PMM2: variants seen among roughly 807,000 people sequenced by gnomAD.
PMM2 encodes mannose-6-phosphate isomerase.
A neutral mutation model predicts 33.2 loss-of-function variants in PMM2; 35 were observed. The observed-to-expected ratio is 1.06, with a 90% CI of 0.81 to 1.40. PMM2 has a LOEUF of 1.40. Among genes scored for constraint, PMM2 ranks in the 40% most tolerant of loss-of-function variants. The pLI is 0.00. For synonymous variants in PMM2, 153 were observed against 114.7 expected (o/e 1.33, Z -2.13); for missense variants, 386 against 306.0 (o/e 1.26, Z -1.95).
intron 6 of PMM2, 108 bp from the exon 7 acceptor site, chr16:8,812,883 A>C (rs2060685203): frequency 1.3e-6 from 1 of 760,318 alleles, no homozygotes; most frequent in African/African-American, 1.7e-5. Context: ...CTGAAAATCA[A>C]CCTTGGCAAC....
intron 2 of PMM2, 64 bp from the exon 3 acceptor site, chr16:8,804,699 TAATC>T (rs1276642152): frequency 5.8e-6 from 6 of 1,033,802 alleles, no homozygotes; most frequent in African/African-American, 4.7e-5. Context: ...TGGTCATTGT[TAATC>T]AAGGAGTAAA....
At chr16:8,845,203 G>A (rs2060917354) in intron 7 of PMM2, among the ~76,000 whole-genome samples, 1 of 152,150 alleles carries the variant, frequency 6.6e-6, no homozygotes, top group South Asian at 2.1e-4. Context: ...GCAATGTTTT[G>A]CGGGCAGGGG....
chr16:8,811,148 A>G lies in PMM2; in HGVS notation c.417A>G (p.Glu139=). ...VSPIGRSCSQ[E]ERIEFYELDK... is the part of the protein sequence containing the mutation. ...CTATTGGAAGAAGCTGCAGCCAAGA[A>G]GAACGCATTGAGTTCTACGAACTCG... is the stretch of plus-strand genomic sequence containing the variant. Residue 139 remains glutamate (E), a synonymous_variant, in exon 5 of 8, where the codon GAA becomes GAG. Transcript: ENST00000268261. 1 of 1,575,584 alleles carries G rather than the reference A, an allele frequency of 6.3e-7. No homozygotes were observed. The highest frequency in any genetic ancestry group is 8.6e-7 in the Non-Finnish European group (1 of 1,156,506).
chr16:8,847,651 A>T, intron 7 of PMM2, 73 bp from the exon 8 acceptor site: 1 of 1,099,096 alleles, frequency 9.1e-7, no homozygotes, highest in Non-Finnish European at 1.4e-6. Flanking sequence ...GTACTTTTGG[A>T]CTCCAGGGTC....
rs968604297 is a variant in PMM2 at position 8,832,662 on chromosome 16, G to A, written c.640-15062G>A. On this transcript the variant is annotated intron_variant, in intron 7 of 7. Coordinates refer to ENST00000268261, the MANE Select transcript of PMM2 (RefSeq NM_000303.3). ...CCTCCTAACTGCTCCCTTCAATTGC[G>A]TCCTCACCCCGCACCCGTTCTCCAG... is the stretch of plus-strand genomic sequence containing the variant. 8.5e-5 allele frequency: 84 copies of A among 985,232 alleles called. No individual in the cohort carries two copies. The African/African-American group carries it at 1.3e-3, about 16-fold the overall frequency. The allele number at this position is 985,232 out of a possible 1,614,324, so 61.0% of individuals were successfully genotyped here.
At chr16:8,836,318 G>A (rs2060846988) in intron 7 of PMM2, among the ~76,000 whole-genome samples, 1 of 152,184 alleles carries the variant, frequency 6.6e-6, no homozygotes, top group African/African-American at 2.4e-5. Flanking sequence ...AGGAGTCAGA[G>A]AGCCTTGGGC....
At chr16:8,818,424 A>G (rs754743601) in intron 7 of PMM2, among the ~76,000 whole-genome samples, 2 of 152,192 alleles carry the variant, frequency 1.3e-5, no homozygotes, top group Non-Finnish European at 2.9e-5. Context: ...CAAACAACCT[A>G]TCAGTTCTTG....
At chr16:8,806,866 C>G (rs1460267231) in intron 4 of PMM2, 1 of 181,150 alleles carries the variant, frequency 5.5e-6, no homozygotes, top group Admixed American at 5.5e-5. Flanking sequence ...AACCCTAGAT[C>G]GGGAAGTCTG....
chr16:8,807,278 G>T (rs1413314776), intron 4 of PMM2, among the ~76,000 whole-genome samples: 2 of 151,702 alleles, frequency 1.3e-5, no homozygotes, highest in Admixed American at 1.3e-4. Flanking sequence ...AATTGCTGGT[G>T]TCAAAGGCGT....
chr16:8,803,215 A>G (rs1239473674), intron 2 of PMM2, among the ~76,000 whole-genome samples: 1 of 152,252 alleles, frequency 6.6e-6, no homozygotes, highest in Non-Finnish European at 1.5e-5. Context: ...TAGGATCACC[A>G]TTACTAGAAG....
intron 1 of PMM2, among the ~76,000 whole-genome samples, chr16:8,800,480 C>T (rs985622168): frequency 1.3e-5 from 2 of 151,644 alleles, no homozygotes; most frequent in Non-Finnish European, 2.9e-5. Flanking sequence ...ATTTTTTCAT[C>T]TTAGTTTATA....
At chr16:8,808,284 T>A (rs534182184) in intron 4 of PMM2, 9 of 152,024 alleles carry the variant, frequency 5.9e-5, no homozygotes, top group Admixed American at 5.9e-4. Flanking sequence ...TTGTGTGTGT[T>A]AGAAATTTTC....
At chr16:8,812,475 T>C (rs914698593) in intron 6 of PMM2, among the ~76,000 whole-genome samples, 1 of 152,198 alleles carries the variant, frequency 6.6e-6, no homozygotes, top group South Asian at 2.1e-4. Flanking sequence ...GTGGGTGGGT[T>C]TTTTGTCTTC....
intron 7 of PMM2, among the ~76,000 whole-genome samples, chr16:8,817,109 T>A (rs11643869): frequency 1.3e-5 from 2 of 152,170 alleles, no homozygotes; most frequent in Admixed American, 1.3e-4. Context: ...ATGAGTGTGC[T>A]TTCCACTACG....
At chr16:8,847,663 C>T (rs1343824897) in intron 7 of PMM2, 61 bp from the exon 8 acceptor site, 2 of 1,262,618 alleles carry the variant, frequency 1.6e-6, no homozygotes, top group South Asian at 1.2e-5. Context: ...TCCAGGGTCA[C>T]ATCAGCAATG....
At chr16:8,837,171 G>A (rs914111861) in intron 7 of PMM2, among the ~76,000 whole-genome samples, 3 of 151,894 alleles carry the variant, frequency 2.0e-5, no homozygotes, top group Non-Finnish European at 2.9e-5. Flanking sequence ...GATTTGGGAC[G>A]AGTTGCACTG....
At chr16:8,807,305 C>T (rs760099345) in intron 4 of PMM2, among the ~76,000 whole-genome samples, 4 of 152,098 alleles carry the variant, frequency 2.6e-5, no homozygotes, top group Non-Finnish European at 5.9e-5. Context: ...CCTTGCCCAG[C>T]CTGATTTTAT....
intron 7 of PMM2, among the ~76,000 whole-genome samples, chr16:8,837,760 G>A (rs1050298439): frequency 6.6e-6 from 1 of 152,028 alleles, no homozygotes; most frequent in Non-Finnish European, 1.5e-5. Context: ...GCCGCTAAGG[G>A]TGAAGGACCA....
intron 2 of PMM2, among the ~76,000 whole-genome samples, chr16:8,804,111 T>C (rs1231175845): frequency 6.9e-6 from 1 of 145,000 alleles, no homozygotes; most frequent in Non-Finnish European, 1.5e-5. Context: ...CAATCTTGGC[T>C]CACTGAACCC....
Sources: gnomAD v4.1 joint callset for allele counts (sites outside exome capture counted in the v4.1 genomes callset) on GRCh38, gnomAD v4.1.1 for gene constraint, MANE v1.5 for transcripts, NCBI Gene and HGNC (gene_info 2026-07-23, HGNC 2026-07-21) for gene names.